Variants in PRKG1 observed in about 807,000 individuals in gnomAD.
The protein encoded by PRKG1 is cGMP-dependent protein kinase 1.
A neutral mutation model predicts 88.1 loss-of-function variants in PRKG1; 35 were observed. The ratio of observed to expected loss-of-function variants is 0.40; its 90% CI spans 0.30 to 0.53. The LOEUF (loss-of-function observed/expected upper bound fraction) is 0.53. Ranked by LOEUF, PRKG1 falls within the 20% of genes least tolerant of loss-of-function variation. The pLI, the probability that PRKG1 is intolerant of heterozygous loss-of-function variation, is 0.59. For synonymous variants in PRKG1, 303 were observed against 292.5 expected, an observed-to-expected ratio of 1.04 and a Z score of -0.37; for missense variants, 540 against 839.8, an observed-to-expected ratio of 0.64 and a Z score of 4.41.
intron 3 of PRKG1, among the ~76,000 whole-genome samples, chr10:51,799,868 G>A (rs1220743673): frequency 1.3e-5 from 2 of 151,834 alleles, no homozygotes; most frequent in African/African-American, 4.8e-5. Flanking sequence ...GAAGCATATG[G>A]AATCCTCTAA....
intron 10 of PRKG1, among the ~76,000 whole-genome samples, chr10:52,269,156 C>G (rs1434152388): frequency 1.3e-5 from 2 of 152,168 alleles, no homozygotes; most frequent in East Asian, 3.9e-4. Context: ...ACAGTCCTCA[C>G]TAGTTTAACT....
chr10:51,080,797 G>A (rs1054269417), intron 1 of PRKG1, among the ~76,000 whole-genome samples: 6 of 152,110 alleles, frequency 3.9e-5, no homozygotes, highest in South Asian at 4.1e-4. Context: ...TTCTGACACC[G>A]GTTCTGCTTC....
intron 5 of PRKG1, among the ~76,000 whole-genome samples, chr10:52,043,276 A>G (rs374406176): frequency 4.3e-4 from 65 of 152,240 alleles, no homozygotes; most frequent in Middle Eastern, 3.4e-3. Flanking sequence ...TTCGGTGTTT[A>G]TTGCAGCACT....
chr10:51,584,139 A>G (rs1046779188), intron 3 of PRKG1, among the ~76,000 whole-genome samples: 3 of 152,068 alleles, frequency 2.0e-5, no homozygotes, highest in African/African-American at 4.8e-5. Flanking sequence ...TGTTTCCACT[A>G]TAGCTTTAAT....
intron 3 of PRKG1, among the ~76,000 whole-genome samples, chr10:51,572,384 C>T (rs1837779222): frequency 6.6e-6 from 1 of 151,614 alleles, no homozygotes; most frequent in African/African-American, 2.4e-5. Context: ...TTACAAGGTG[C>T]ACTGTATAAA....
At chr10:51,968,371 G>A (rs542623043) in intron 5 of PRKG1, among the ~76,000 whole-genome samples, 2 of 152,226 alleles carry the variant, frequency 1.3e-5, no homozygotes, top group African/African-American at 4.8e-5. Flanking sequence ...GAAAGAGCAG[G>A]ACTGTGGGGA....
intron 5 of PRKG1, among the ~76,000 whole-genome samples, chr10:51,966,738 G>T (rs550294418): frequency 6.6e-6 from 1 of 152,096 alleles, no homozygotes; most frequent in East Asian, 1.9e-4. Context: ...GCAGCGCCCT[G>T]GTGTGCCACT....
chr10:51,729,706 C>CAA (rs34900286), intron 3 of PRKG1, among the ~76,000 whole-genome samples: 1,368 of 28,744 alleles, frequency 0.048, 324 homozygotes, highest in African/African-American at 0.051. Flanking sequence ...GACTCCATCT[C>CAA]AAAAAAAAAA....
chr10:51,600,929 A>G (rs1838580121), intron 3 of PRKG1, among the ~76,000 whole-genome samples: 1 of 150,510 alleles, frequency 6.6e-6, no homozygotes, highest in African/African-American at 2.5e-5. Context: ...TTTGAGAGAG[A>G]GAGAGAGGAA....
intron 1 of PRKG1, among the ~76,000 whole-genome samples, chr10:51,060,258 G>A (rs1843678378): frequency 6.6e-6 from 1 of 151,948 alleles, no homozygotes; most frequent in Admixed American, 6.6e-5. Flanking sequence ...TCTTTGTTTA[G>A]TAACTGGAGT....
At chr10:51,841,714 G>T (rs749206165) in intron 4 of PRKG1, among the ~76,000 whole-genome samples, 4 of 151,402 alleles carry the variant, frequency 2.6e-5, no homozygotes, top group African/African-American at 7.3e-5. Flanking sequence ...ACAGAGTCTC[G>T]CTCTGTCACC....
intron 17 of PRKG1, among the ~76,000 whole-genome samples, chr10:52,290,555 A>T (rs549561912): frequency 1.0e-3 from 156 of 152,292 alleles, no homozygotes; most frequent in Admixed American, 1.6e-3. Context: ...ACATAAGTTA[A>T]TTTTTAGCAT....
chr10:51,970,029 CA>C (rs1564733371), intron 5 of PRKG1, among the ~76,000 whole-genome samples: 8 of 150,164 alleles, frequency 5.3e-5, no homozygotes, highest in Non-Finnish European at 1.0e-4. Context: ...CACACACACA[CA>C]CACACACACA....
intron 1 of PRKG1, among the ~76,000 whole-genome samples, chr10:51,108,686 T>C (rs1844907794): frequency 6.6e-6 from 1 of 152,194 alleles, no homozygotes; most frequent in Admixed American, 6.5e-5. Context: ...TGGTGGGCGA[T>C]TGAATATTTT....
chr10:51,756,500 A>G (rs999609839), intron 3 of PRKG1, among the ~76,000 whole-genome samples: 18 of 146,874 alleles, frequency 1.2e-4, no homozygotes, highest in African/African-American at 4.0e-4. Flanking sequence ...AAAAAAAAAA[A>G]GTCAGTAGAG....
intron 3 of PRKG1, among the ~76,000 whole-genome samples, chr10:51,500,827 A>G (rs1206904935): frequency 3.3e-5 from 5 of 152,194 alleles, no homozygotes; most frequent in Non-Finnish European, 1.5e-5. Context: ...GGATTCTCTT[A>G]CTTCTCAATT....
chr10:51,553,394 G>C (rs148065020), intron 3 of PRKG1, among the ~76,000 whole-genome samples: 1 of 151,688 alleles, frequency 6.6e-6, no homozygotes, highest in African/African-American at 2.4e-5. Flanking sequence ...ATGCTTTTTT[G>C]TGTGTGAACT....
intron 9 of PRKG1, among the ~76,000 whole-genome samples, chr10:52,184,204 A>G (rs144114364): frequency 5.1e-4 from 77 of 152,356 alleles, no homozygotes; most frequent in Middle Eastern, 3.4e-3. Flanking sequence ...GAAACAGTTA[A>G]GAAATTAATA....
intron 5 of PRKG1, among the ~76,000 whole-genome samples, chr10:52,023,985 C>T (rs1465099295): frequency 6.6e-6 from 1 of 152,146 alleles, no homozygotes; most frequent in Non-Finnish European, 1.5e-5. Flanking sequence ...GAAGTCTTTG[C>T]CCATGCCTGT....
Sources: gnomAD v4.1 joint callset for allele counts (sites outside exome capture counted in the v4.1 genomes callset) on GRCh38, gnomAD v4.1.1 for gene constraint, MANE v1.5 for transcripts, NCBI Gene and HGNC (gene_info 2026-07-23, HGNC 2026-07-21) for gene names.